Variants in CACNB2 observed in about 807,000 individuals in gnomAD.
CACNB2 encodes calcium voltage-gated channel auxiliary subunit beta 2, also known as voltage-dependent L-type calcium channel subunit beta-2.
Under a neutral mutation model 73.3 loss-of-function variants are expected in CACNB2, and 42 were observed. That is an observed-to-expected ratio of 0.57 (90% CI 0.45 to 0.74). The LOEUF is 0.74. Ranked by LOEUF, CACNB2 falls within the 30% of genes least tolerant of loss-of-function variation. The probability of loss-of-function intolerance (pLI) is 0.00; values close to 1 mark genes in which losing one functional copy is unlikely to be tolerated. For missense variants in CACNB2, 940 were observed against 853.0 expected (o/e 1.10, Z -1.27); for synonymous variants, 348 against 310.3 (o/e 1.12, Z -1.28).
In CACNB2 at chr10:18,492,190, G is replaced by A. The variant is rs556756423; in HGVS notation, c.334-6165G>A. Among the ~76,000 whole-genome samples, 4 of 152,226 alleles carry A rather than the reference G, an allele frequency of 2.6e-5. No individual in the cohort carries two copies. The South Asian group carries it at 6.2e-4, about 24-fold the overall frequency. ...TCTTATCATGAGAACAGCACCAAAG[G>A]GGAAAATCTACCCCTATGATCCAAT... On this transcript the variant is annotated intron_variant, in intron 3 of 13. Transcript: ENST00000324631.
At chr10:18,373,882 A>G (rs898942115) in intron 2 of CACNB2, among the ~76,000 whole-genome samples, 3 of 152,220 alleles carry the variant, frequency 2.0e-5, no homozygotes, top group African/African-American at 7.2e-5. Context: ...CCACACTTCC[A>G]AAACAAAGTT....
chr10:18,183,646 C>T (rs1020387844), intron 2 of CACNB2, among the ~76,000 whole-genome samples: 2 of 152,154 alleles, frequency 1.3e-5, no homozygotes, highest in African/African-American at 2.4e-5. Context: ...AACCCACCCC[C>T]ATGATTCAGT....
chr10:18,340,771 C>G, intron 2 of CACNB2: 1 of 1,558,662 alleles, frequency 6.4e-7, no homozygotes, highest in Non-Finnish European at 8.6e-7. Flanking sequence ...GTCACACTAA[C>G]TAAGACTACA....
chr10:18,426,493 C>A (rs2045605381), intron 3 of CACNB2, among the ~76,000 whole-genome samples: 1 of 152,046 alleles, frequency 6.6e-6, no homozygotes, highest in Admixed American at 6.6e-5. Flanking sequence ...TCTGTAGATT[C>A]TTGGGTTTTC....
chr10:18,390,550 T>C (rs2043424430), intron 2 of CACNB2, among the ~76,000 whole-genome samples: 1 of 152,212 alleles, frequency 6.6e-6, no homozygotes, highest in African/African-American at 2.4e-5. Flanking sequence ...TCTATTAAGA[T>C]ATTCTAGAGT....
chr10:18,249,688 T>G (rs2037010894), intron 2 of CACNB2, among the ~76,000 whole-genome samples: 1 of 152,114 alleles, frequency 6.6e-6, no homozygotes, highest in East Asian at 1.9e-4. Context: ...CAGCTCCTCT[T>G]TCTTGGGAAA....
intron 2 of CACNB2, among the ~76,000 whole-genome samples, chr10:18,392,588 A>G (rs1209505129): frequency 6.6e-6 from 1 of 152,174 alleles, no homozygotes; most frequent in Non-Finnish European, 1.5e-5. Context: ...GCTGGCAGAG[A>G]AAATGGAGTC....
intron 2 of CACNB2, among the ~76,000 whole-genome samples, chr10:18,269,756 C>G (rs914085046): frequency 1.3e-5 from 2 of 152,192 alleles, no homozygotes; most frequent in African/African-American, 2.4e-5. Context: ...TCCTCCCTCT[C>G]TCTGCTCCTC....
intron 2 of CACNB2, among the ~76,000 whole-genome samples, chr10:18,153,587 T>A (rs1318745640): frequency 6.7e-6 from 1 of 150,296 alleles, no homozygotes; most frequent in Non-Finnish European, 1.5e-5. Flanking sequence ...TATTTATTTA[T>A]TTATTTATTT....
At chr10:18,493,204 T>G (rs1431527872) in intron 3 of CACNB2, among the ~76,000 whole-genome samples, 1 of 152,238 alleles carries the variant, frequency 6.6e-6, no homozygotes, top group African/African-American at 2.4e-5. Context: ...AGTCTCGCTC[T>G]GTTGCCCAGG....
At chr10:18,276,453 T>C (rs569301329) in intron 2 of CACNB2, among the ~76,000 whole-genome samples, 2 of 152,290 alleles carry the variant, frequency 1.3e-5, no homozygotes, top group African/African-American at 4.8e-5. Flanking sequence ...GAATGGAGAA[T>C]TCACAGTATC....
intron 2 of CACNB2, among the ~76,000 whole-genome samples, chr10:18,220,746 C>T (rs1214243767): frequency 2.6e-5 from 4 of 152,070 alleles, no homozygotes; most frequent in Non-Finnish European, 5.9e-5. Flanking sequence ...CTCATAGGAG[C>T]GTGCAAACCC....
chr10:18,501,805 G>C (rs1488539182), intron 5 of CACNB2, among the ~76,000 whole-genome samples: 5 of 152,210 alleles, frequency 3.3e-5, no homozygotes. Flanking sequence ...AGCGTCAGCA[G>C]ATGAGTGAAA....
At chr10:18,400,879 G>C in intron 2 of CACNB2, 1 of 1,527,764 alleles carries the variant, frequency 6.5e-7, no homozygotes, top group Non-Finnish European at 8.8e-7. Flanking sequence ...CTCTGGGGCA[G>C]GGAGTGAAAG....
chr10:18,303,007 G>C (rs908160472), intron 2 of CACNB2, among the ~76,000 whole-genome samples: 24 of 152,082 alleles, frequency 1.6e-4, no homozygotes, highest in African/African-American at 5.6e-4. Context: ...CCTGTAATCA[G>C]CTGTCCTTTA....
At chr10:18,516,498 C>T (rs193208299) in intron 7 of CACNB2, among the ~76,000 whole-genome samples, 6 of 152,288 alleles carry the variant, frequency 3.9e-5, no homozygotes, top group Admixed American at 2.6e-4. Flanking sequence ...TACTAAAATG[C>T]AGGAAATTTA....
chr10:18,375,234 G>A (rs1440149078), intron 2 of CACNB2, among the ~76,000 whole-genome samples: 1 of 152,032 alleles, frequency 6.6e-6, no homozygotes, highest in Non-Finnish European at 1.5e-5. Context: ...TAATTGGGAG[G>A]TGAATGTGTC....
intron 1 of CACNB2, among the ~76,000 whole-genome samples, chr10:18,150,594 C>T (rs1054856785): frequency 2.0e-5 from 3 of 152,204 alleles, no homozygotes; most frequent in Non-Finnish European, 4.4e-5. Flanking sequence ...ACCTGGGAGG[C>T]GGAGGTTGCG....
intron 5 of CACNB2, among the ~76,000 whole-genome samples, chr10:18,502,356 C>T (rs1279724736): frequency 2.0e-5 from 3 of 150,764 alleles, no homozygotes; most frequent in Non-Finnish European, 3.0e-5. Context: ...TGGATGGAGC[C>T]GGAGGCCATT....
Sources: allele counts gnomAD v4.1 joint callset (sites outside exome capture counted in the v4.1 genomes callset), GRCh38; gene constraint gnomAD v4.1.1; transcripts MANE v1.5; gene names NCBI Gene and HGNC (gene_info 2026-07-23, HGNC 2026-07-21).